EMID1: variants seen among roughly 807,000 people sequenced by gnomAD.
EMID1 encodes EMI domain containing 1.
EMID1 carries 40 observed loss-of-function variants against 60.6 expected under a neutral mutation model. The observed-to-expected ratio is 0.66, with a 90% CI of 0.51 to 0.86. EMID1 has a LOEUF of 0.86. Among genes scored for constraint, EMID1 ranks in the 40% least tolerant of loss-of-function variants. The pLI is 0.00. For missense variants in EMID1, 585 were observed against 597.1 expected, an observed-to-expected ratio of 0.98 and a Z score of 0.21; for synonymous variants, 242 against 231.0, an observed-to-expected ratio of 1.05 and a Z score of -0.43.
At position 29,214,988 on chromosome 22, in the gene EMID1, T is replaced by C; in HGVS notation, c.164T>C (p.Leu55Pro). The change falls in exon 2 of 15, where the codon CTT (leucine) becomes CCT (proline). Residue 55 changes from leucine (L) to proline (P), a missense_variant. Physicochemically the swap from Leu to Pro is moderately conservative, Grantham distance 98. Transcript: ENST00000334018. ...ISCHVQNGTY[L>P]QRVLQNCPWP... ...TGCCATGTGCAGAATGGCACCTACC[T>C]TCAGCGAGTGCTGCAGAACTGCCCC... is the stretch of plus-strand genomic sequence containing the variant. 1 of 1,553,666 alleles carries C rather than the reference T, an allele frequency of 6.4e-7. No individual in the cohort carries two copies. Among genetic ancestry groups the C allele is most frequent in the Non-Finnish European group, 8.7e-7 (1 of 1,147,322 alleles).
At chr22:29,258,700 G>C in intron 14 of EMID1, 117 bp from the exon 15 acceptor site, 1 of 1,439,512 alleles carries the variant, frequency 6.9e-7, no homozygotes, top group Non-Finnish European at 9.3e-7. Context: ...CAGATACCAG[G>C]GTGGATTATA....
intron 12 of EMID1, among the ~76,000 whole-genome samples, chr22:29,235,006 C>T (rs889399682): frequency 3.3e-5 from 5 of 151,772 alleles, no homozygotes; most frequent in Admixed American, 3.3e-4. Flanking sequence ...GGCAACATGA[C>T]AAAACTCTGT....
chr22:29,254,311 C>G (rs775495336), intron 14 of EMID1, 24 bp downstream of exon 14: 1 of 1,606,360 alleles, frequency 6.2e-7, no homozygotes, highest in Non-Finnish European at 8.5e-7. Context: ...GACAGACGGA[C>G]AGACGGCCCA....
intron 12 of EMID1, among the ~76,000 whole-genome samples, chr22:29,236,405 A>AAT (rs1322838055): frequency 6.6e-6 from 1 of 151,852 alleles, no homozygotes; most frequent in Non-Finnish European, 1.5e-5. Flanking sequence ...AACATAACTA[A>AAT]ATAGTCTGTG....
intron 14 of EMID1, chr22:29,255,463 G>A (rs1417910841): frequency 2.0e-5 from 17 of 868,730 alleles, no homozygotes; most frequent in Non-Finnish European, 2.3e-5. Flanking sequence ...CCAGGCCAGC[G>A]GACACTCATT....
At chr22:29,227,704 CAAAA>C (rs560219761) in intron 5 of EMID1, among the ~76,000 whole-genome samples, 21 of 88,958 alleles carry the variant, frequency 2.4e-4, no homozygotes, top group Admixed American at 5.8e-4. Flanking sequence ...GACTCTGTCT[CAAAA>C]AAAAAAAAAA....
chr22:29,215,728 A>G, intron 3 of EMID1, 98 bp downstream of exon 3: 1 of 944,428 alleles, frequency 1.1e-6, no homozygotes, highest in Admixed American at 2.0e-5. Context: ...AGTCATGCAC[A>G]GTACCATGCC....
At chr22:29,242,988 A>G (rs2041206063) in intron 12 of EMID1, among the ~76,000 whole-genome samples, 1 of 152,218 alleles carries the variant, frequency 6.6e-6, no homozygotes, top group Non-Finnish European at 1.5e-5. Flanking sequence ...TGGTCAATCC[A>G]GGGACCATCC....
intron 12 of EMID1, among the ~76,000 whole-genome samples, chr22:29,243,129 A>G (rs2041211753): frequency 7.9e-6 from 1 of 127,260 alleles, no homozygotes; most frequent in Non-Finnish European, 1.7e-5. Flanking sequence ...ATAAAACTGA[A>G]ACTTTCTGCT....
intron 8 of EMID1, 135 bp from the exon 9 acceptor site, chr22:29,233,243 CA>C (rs1386898857): frequency 1.2e-6 from 1 of 831,840 alleles, no homozygotes; most frequent in African/African-American, 1.7e-5. Context: ...CACCCTGGAG[CA>C]GGTGCCCAGG....
rs893980335 is a variant in EMID1, at chr22:29,205,916, C to T, written c.-123C>T. On this transcript the variant is annotated 5_prime_UTR_variant, in exon 1 of 15. Transcript: ENST00000334018. The stretch of plus-strand genomic sequence containing the variant: ...CGCCCGCCTCCTGCCCGCCCTCCGG[C>T]CGCGGAGCTGGAAACCGGGCTCCGC... The T allele has an allele frequency of 7.5e-5, 29 of 386,722 alleles. No homozygotes were observed. The highest frequency in any genetic ancestry group is 6.1e-4 in the African/African-American group (28 of 45,536). The allele number at this position is 386,722 out of a possible 1,614,324, so 24.0% of individuals were successfully genotyped here.
chr22:29,211,294 G>T (rs2039871505), intron 1 of EMID1, among the ~76,000 whole-genome samples: 2 of 152,210 alleles, frequency 1.3e-5, no homozygotes, highest in Admixed American at 1.3e-4. Flanking sequence ...AGGGAGGACG[G>T]TCATTTCTGT....
rs1804174570 is a variant in EMID1, at chr22:29,206,000, G to A, written c.-39G>A. On this transcript the variant is annotated 5_prime_UTR_variant, in exon 1 of 15. Transcript: ENST00000334018. ...GCGGGGAGGACAGGCTGGGGGCGGC[G>A]ACCGCGAGGGGCCGCGCGCGGAGGG... The A allele has an allele frequency of 6.0e-6, 7 of 1,173,340 alleles. No individual in the cohort carries two copies. The South Asian group carries it at 3.0e-4, about 50-fold the overall frequency. The allele number at this position is 1,173,340 out of a possible 1,614,324, so 72.7% of individuals were successfully genotyped here. A position where few individuals can be genotyped will look rare whatever the true frequency, so the allele number is the denominator to read the frequency against.
intron 12 of EMID1, among the ~76,000 whole-genome samples, chr22:29,241,908 A>G (rs981227155): frequency 3.3e-5 from 5 of 151,106 alleles, no homozygotes; most frequent in Admixed American, 1.3e-4. Flanking sequence ...TGTGCTTTAT[A>G]TTTCTTTATT....
chr22:29,212,316 T>C (rs763256260), intron 1 of EMID1, among the ~76,000 whole-genome samples: 10 of 151,930 alleles, frequency 6.6e-5, no homozygotes, highest in Non-Finnish European at 1.3e-4. Context: ...AATTTTTTTA[T>C]AGAGATGGGG....
intron 1 of EMID1, among the ~76,000 whole-genome samples, chr22:29,208,439 G>A (rs1328942481): frequency 1.3e-5 from 2 of 152,180 alleles, no homozygotes; most frequent in South Asian, 4.1e-4. Flanking sequence ...GCCCCGCTGA[G>A]GTCCTTCTAA....
At chr22:29,233,205 T>C in intron 8 of EMID1, 174 bp from the exon 9 acceptor site, 1 of 675,824 alleles carries the variant, frequency 1.5e-6, no homozygotes, top group Non-Finnish European at 2.6e-6. Flanking sequence ...CCTCCTGGTC[T>C]TGCGGGACCA....
chr22:29,239,320 AG>A (rs2041072529), intron 12 of EMID1, among the ~76,000 whole-genome samples: 1 of 115,266 alleles, frequency 8.7e-6, no homozygotes, highest in Non-Finnish European at 1.7e-5. Context: ...ATGTAGAGGC[AG>A]GGTTTTACCA....
chr22:29,214,806 T>TCG, intron 1 of EMID1, 120 bp from the exon 2 acceptor site: 1 of 655,666 alleles, frequency 1.5e-6, no homozygotes, highest in South Asian at 3.8e-5. Flanking sequence ...TCAGGGCTTC[T>TCG]CGCTGCCTGG....
Sources: gnomAD v4.1 joint callset for allele counts (sites outside exome capture counted in the v4.1 genomes callset) on GRCh38, gnomAD v4.1.1 for gene constraint, MANE v1.5 for transcripts, NCBI Gene and HGNC (gene_info 2026-07-23, HGNC 2026-07-21) for gene names.